The following SLFN5 variants were observed in gnomAD, a reference collection of about 807,000 sequenced individuals.
SLFN5 encodes schlafen family member 5.
A neutral mutation model predicts 48.5 loss-of-function variants in SLFN5; 34 were observed. The observed-to-expected ratio is 0.70, with a 90% CI of 0.53 to 0.93. The LOEUF is 0.93. Among genes scored for constraint, SLFN5 ranks in the 40% least tolerant of loss-of-function variants. The pLI is 0.00. For missense variants in SLFN5, 1,006 were observed against 1,071.3 expected (o/e 0.94, Z 0.85); for synonymous variants, 387 against 396.2 (o/e 0.98, Z 0.28).
At chr17:35,259,901 G>A (rs1450235713) in intron 2 of SLFN5, 199 bp downstream of exon 2, 2 of 650,910 alleles carry the variant, frequency 3.1e-6, no homozygotes, top group Non-Finnish European at 5.1e-6. Context: ...ATCTTAAATA[G>A]TCTTCATTCA....
At chr17:35,256,044 T>C (rs1176339946) in intron 1 of SLFN5, among the ~76,000 whole-genome samples, 1 of 152,250 alleles carries the variant, frequency 6.6e-6, no homozygotes, top group Non-Finnish European at 1.5e-5. Flanking sequence ...TACAACATTA[T>C]ATTCTTAGAG....
Position 35,265,587 on chromosome 17 carries a change from T to G in SLFN5, c.2375T>G (p.Val792Gly), listed in dbSNP as rs1156864184. Residue 792 changes from valine to glycine, a missense_variant, in exon 5 of 5, where the codon GTG becomes GGG. By Grantham distance (109) the Val-to-Gly change is moderately radical. Transcript: ENST00000299977. Reference protein sequence around the residue: ...RNGYSPKDIAVLFTKASEVEK... With the variant: ...RNGYSPKDIAGLFTKASEVEK... ...GGTTATTCTCCGAAGGATATTGCTG[T>G]GCTTTTCACCAAAGCAAGTGAAGTG... The G allele has an allele frequency of 1.9e-6, 3 of 1,614,124 alleles. No individual in the cohort carries two copies. Among genetic ancestry groups the G allele is most frequent in the African/African-American group, 2.7e-5 (2 of 74,938 alleles).
chr17:35,265,798 A>T lies in SLFN5; in HGVS notation c.2586A>T (p.Gly862=), dbSNP rs1183252359. Residue 862 remains glycine (G), a synonymous_variant, in exon 5 of 5, where the codon GGA becomes GGT. Coordinates refer to ENST00000299977, the MANE Select transcript of SLFN5 (RefSeq NM_144975.4). ...ERNIVFGINP[G]VAPPAGAYNL... is the part of the protein sequence containing the mutation. ...ATATCGTGTTTGGAATCAATCCAGG[A>T]GTAGCCCCACCGGCTGGGGCCTACA... is the stretch of plus-strand genomic sequence containing the variant. 5 of 1,614,094 alleles carry T rather than the reference A, an allele frequency of 3.1e-6. No homozygotes were observed. The highest frequency in any genetic ancestry group is 4.2e-6 in the Non-Finnish European group (5 of 1,180,042).
intron 3 of SLFN5, among the ~76,000 whole-genome samples, chr17:35,262,252 C>T (rs551567846): frequency 2.6e-5 from 4 of 151,660 alleles, no homozygotes; most frequent in Admixed American, 6.6e-5. Flanking sequence ...TGGTGGCATG[C>T]GCCTGTGGTC....
chr17:35,251,597 G>A (rs1312533235), intron 1 of SLFN5, among the ~76,000 whole-genome samples: 1 of 151,546 alleles, frequency 6.6e-6, no homozygotes, highest in Non-Finnish European at 1.5e-5. Context: ...AGTAGAGACG[G>A]GGTTTCACCG....
At chr17:35,250,977 T>C (rs2092441017) in intron 1 of SLFN5, among the ~76,000 whole-genome samples, 1 of 152,220 alleles carries the variant, frequency 6.6e-6, no homozygotes, top group Non-Finnish European at 1.5e-5. Context: ...CTAGGTTAAC[T>C]GGATATTGCA....
chr17:35,251,981 C>T (rs1444524276), intron 1 of SLFN5, among the ~76,000 whole-genome samples: 1 of 152,064 alleles, frequency 6.6e-6, no homozygotes, highest in Non-Finnish European at 1.5e-5. Context: ...CTGGTTGAAT[C>T]TTTACTCTCA....
chr17:35,259,724 T>A (rs372169223), intron 2 of SLFN5, 22 bp downstream of exon 2: 3 of 1,593,508 alleles, frequency 1.9e-6, no homozygotes, highest in Non-Finnish European at 1.7e-6. Context: ...ATATCCACAA[T>A]GGTTGTAATG....
At chr17:35,255,868 AAC>A (rs1450165536) in intron 1 of SLFN5, among the ~76,000 whole-genome samples, 1 of 152,134 alleles carries the variant, frequency 6.6e-6, no homozygotes, top group Non-Finnish European at 1.5e-5. Context: ...TTCCTCCCCA[AAC>A]AGAGGTAGCC....
Position 35,260,979 on chromosome 17 carries a change from AG to A in SLFN5, c.1023del (p.Arg341SerfsTer9). The A allele has an allele frequency of 1.2e-6, 2 of 1,613,722 alleles. No homozygotes were observed. The highest frequency in any genetic ancestry group is 4.5e-5 in the East Asian group (2 of 44,868). On this transcript the variant is annotated frameshift_variant, in exon 3 of 5. Coordinates refer to ENST00000299977, the MANE Select transcript of SLFN5 (RefSeq NM_144975.4). LOFTEE classifies it high-confidence loss of function. ...WMMEADPDLS[R>X]CPEMVLQLSL... ...GGTTCTTGTTTCCTAAGACCTTTCC[AG>A]GTGTCCTGAGATGGTTCTCCAGTTG... is the stretch of plus-strand genomic sequence containing the variant.
At chr17:35,252,620 ATT>A (rs57935147) in intron 1 of SLFN5, among the ~76,000 whole-genome samples, 89 of 148,114 alleles carry the variant, frequency 6.0e-4, no homozygotes, top group African/African-American at 1.9e-3. Flanking sequence ...GTTCCTCAGT[ATT>A]TTTTTTTTTC....
In SLFN5 at chr17:35,243,104, G is replaced by T. The variant is rs1431048758; in HGVS notation, c.-80G>T. 2 of 152,340 alleles carry T rather than the reference G, an allele frequency of 1.3e-5. No homozygotes were observed. The highest frequency in any genetic ancestry group is 4.8e-5 in the African/African-American group (2 of 41,478). 9.4% of individuals were successfully genotyped at this position (152,340 alleles called of 1,614,324 possible). ...CTGGACTTGGGAGGCTCCGTTGCCT[G>T]CTCCCGGAGGGAGACGCGCTGCCGA... is the stretch of plus-strand genomic sequence containing the variant. On this transcript the variant is annotated 5_prime_UTR_variant, in exon 1 of 5. Coordinates refer to ENST00000299977, the MANE Select transcript of SLFN5 (RefSeq NM_144975.4).
At position 35,270,825 on chromosome 17, in the gene SLFN5, T is replaced by A. The variant is rs1006652718; in HGVS notation, c.*4937T>A. Reference sequence around the variant, plus strand: ...TTGTCAGTTGTGACAACCAAAAATGTCTCCAGACATCGCCAAATGTCCCTT... The same window carrying A: ...TTGTCAGTTGTGACAACCAAAAATGACTCCAGACATCGCCAAATGTCCCTT... On this transcript the variant is annotated 3_prime_UTR_variant, in exon 5 of 5. Coordinates refer to ENST00000299977, the MANE Select transcript of SLFN5 (RefSeq NM_144975.4). 5 of 152,048 alleles carry A rather than the reference T, an allele frequency of 3.3e-5. No homozygotes were observed. Among genetic ancestry groups the A allele is most frequent in the African/African-American group, 1.2e-4 (5 of 41,386 alleles). 9.4% of individuals were successfully genotyped at this position (152,048 alleles called of 1,614,324 possible). A position where few individuals can be genotyped will look rare whatever the true frequency, so the allele number is the denominator to read the frequency against.
Position 35,258,712 on chromosome 17 carries a change from G to A in SLFN5, c.22G>A (p.Asp8Asn). The change falls in exon 2 of 5, where the codon GAT (aspartate) becomes AAT (asparagine). Residue 8 changes from aspartate (D) to asparagine (N), a missense_variant. Asp to Asn is a conservative substitution (Grantham distance 23, BLOSUM62 1). Coordinates refer to ENST00000299977, the MANE Select transcript of SLFN5 (RefSeq NM_144975.4). ...GAAGATGAGTCTTAGGATTGATGTG[G>A]ATACAAACTTTCCTGAGTGTGTTGT... MSLRIDV[D>N]TNFPECVVDA... The A allele has an allele frequency of 6.2e-7, 1 of 1,613,900 alleles. No individual in the cohort carries two copies. Among genetic ancestry groups the A allele is most frequent in the Non-Finnish European group, 8.5e-7 (1 of 1,179,880 alleles).
At chr17:35,251,993 A>G (rs961636282) in intron 1 of SLFN5, among the ~76,000 whole-genome samples, 3 of 152,016 alleles carry the variant, frequency 2.0e-5, no homozygotes, top group Non-Finnish European at 4.4e-5. Context: ...TTACTCTCAT[A>G]ATCTCTGGTG....
chr17:35,248,373 C>T (rs2092435475), intron 1 of SLFN5, among the ~76,000 whole-genome samples: 1 of 152,150 alleles, frequency 6.6e-6, no homozygotes, highest in Non-Finnish European at 1.5e-5. Context: ...AGATTCTTTG[C>T]CCAAAACCAA....
Position 35,259,385 on chromosome 17 carries a change from A to C in SLFN5, c.695A>C (p.His232Pro). The change falls in exon 2 of 5, where the codon CAT becomes CCT. Residue 232 changes from histidine to proline, a missense_variant. Transcript: ENST00000299977. ...GGAGGATATGTATTTTTTGGTGTGC[A>C]TGATGAGACTTGTCAAGTGATTGGA... ...TEGGYVFFGV[H>P]DETCQVIGCE... 4.3e-6 allele frequency: 7 copies of C among 1,614,224 alleles called. No individual in the cohort carries two copies. The highest frequency in any genetic ancestry group is 5.9e-6 in the Non-Finnish European group (7 of 1,180,036).
intron 1 of SLFN5, among the ~76,000 whole-genome samples, chr17:35,246,468 C>G (rs1048806943): frequency 6.6e-6 from 1 of 152,154 alleles, no homozygotes; most frequent in Admixed American, 6.5e-5. Flanking sequence ...TTGCCCCCTC[C>G]TCTGACAGGC....
At chr17:35,261,930 C>T (rs1029078778) in intron 3 of SLFN5, among the ~76,000 whole-genome samples, 2 of 143,440 alleles carry the variant, frequency 1.4e-5, no homozygotes, top group South Asian at 2.3e-4. Flanking sequence ...ACACCCACCT[C>T]GGCCTCCCAA....
Sources: allele counts gnomAD v4.1 joint callset (sites outside exome capture counted in the v4.1 genomes callset), GRCh38; gene constraint gnomAD v4.1.1; transcripts MANE v1.5; gene names NCBI Gene and HGNC (gene_info 2026-07-23, HGNC 2026-07-21).